Variants in EIF5B observed in about 807,000 individuals in gnomAD.
The protein encoded by EIF5B is eIF-5B.
Under a neutral mutation model 147.5 loss-of-function variants are expected in EIF5B, and 47 were observed. That is an observed-to-expected ratio of 0.32 (90% CI 0.25 to 0.41). The LOEUF is 0.41. EIF5B is among the 10% of genes least tolerant of loss of function. EIF5B has a pLI of 1.00. For synonymous variants in EIF5B, 455 were observed against 456.2 expected (o/e 1.00, Z 0.03); for missense variants, 1,064 against 1,413.2 (o/e 0.75, Z 3.96).
At chr2:99,394,139 G>C in intron 18 of EIF5B, 128 bp from the exon 19 acceptor site, 1 of 1,213,338 alleles carries the variant, frequency 8.2e-7, no homozygotes, top group Non-Finnish European at 1.1e-6. Flanking sequence ...GTGATGCCTT[G>C]CTCTATCTAA....
chr2:99,361,854 C>G, intron 4 of EIF5B, 34 bp downstream of exon 4: 1 of 1,485,772 alleles, frequency 6.7e-7, no homozygotes, highest in East Asian at 2.4e-5. Flanking sequence ...GAGCAAAAGG[C>G]TTTTGATTCA....
intron 1 of EIF5B, among the ~76,000 whole-genome samples, chr2:99,354,912 C>T (rs1356793068): frequency 1.3e-5 from 2 of 150,364 alleles, no homozygotes; most frequent in Non-Finnish European, 2.9e-5. Context: ...AAGAGATTCT[C>T]CTGCTTCAGC....
At chr2:99,363,974 CAGTTATATTA>C (rs1674273940) in intron 5 of EIF5B, 112 bp downstream of exon 5, 1 of 1,156,186 alleles carries the variant, frequency 8.6e-7, no homozygotes, top group South Asian at 1.6e-5. Context: ...CATGGTAATT[CAGTTATATTA>C]TTGTTCCGAT....
At chr2:99,371,523 T>A in intron 8 of EIF5B, 133 bp from the exon 9 acceptor site, 1 of 604,278 alleles carries the variant, frequency 1.7e-6, no homozygotes, top group Non-Finnish European at 2.7e-6. Context: ...CTAAAGATAA[T>A]AGCTGCATAC....
intron 1 of EIF5B, among the ~76,000 whole-genome samples, chr2:99,352,702 A>AGTG (rs2105339610): frequency 1.3e-5 from 2 of 151,692 alleles, no homozygotes; most frequent in African/African-American, 4.8e-5. Context: ...GATGGTCTCA[A>AGTG]ACTCCTGGCC....
chr2:99,367,317 A>AT (rs1674347369), intron 6 of EIF5B, among the ~76,000 whole-genome samples: 1 of 152,194 alleles, frequency 6.6e-6, no homozygotes, highest in Non-Finnish European at 1.5e-5. Flanking sequence ...CAATAAGTTC[A>AT]TTTAAAAATG....
At chr2:99,374,605 G>C (rs1674526209) in intron 9 of EIF5B, among the ~76,000 whole-genome samples, 2 of 152,090 alleles carry the variant, frequency 1.3e-5, no homozygotes, top group Admixed American at 1.3e-4. Context: ...GGAATTATTG[G>C]TTGAAGTTTA....
intron 9 of EIF5B, 112 bp from the exon 10 acceptor site, chr2:99,376,235 A>G: frequency 1.6e-6 from 1 of 635,074 alleles, no homozygotes. Flanking sequence ...TCTTCTTGTA[A>G]TGTGGCTCAG....
At chr2:99,388,745 A>G (rs1040778158) in intron 14 of EIF5B, among the ~76,000 whole-genome samples, 10 of 152,092 alleles carry the variant, frequency 6.6e-5, no homozygotes, top group African/African-American at 1.4e-4. Context: ...TTTTGTGTCT[A>G]TGTTCATGAG....
chr2:99,350,146 G>A (rs950922856), intron 1 of EIF5B, among the ~76,000 whole-genome samples: 1 of 152,132 alleles, frequency 6.6e-6, no homozygotes, highest in African/African-American at 2.4e-5. Context: ...TGGATGAATA[G>A]TATTCACACT....
chr2:99,383,206 A>G (rs903205780), intron 14 of EIF5B, among the ~76,000 whole-genome samples: 8 of 152,104 alleles, frequency 5.3e-5, no homozygotes, highest in African/African-American at 1.7e-4. Flanking sequence ...GTTAATTTGC[A>G]ATATTTCAAA....
At chr2:99,371,549 T>C in intron 8 of EIF5B, 107 bp from the exon 9 acceptor site, 2 of 868,718 alleles carry the variant, frequency 2.3e-6, no homozygotes, top group South Asian at 1.8e-5. Flanking sequence ...TTTTACATAA[T>C]TAAAACATTC....
chr2:99,383,148 G>A (rs13401163), intron 14 of EIF5B, among the ~76,000 whole-genome samples: 25,474 of 151,722 alleles, frequency 0.17, 2,704 homozygotes, highest in African/African-American at 0.28. Context: ...TATTAAGTCT[G>A]TTGGTGCCAT....
chr2:99,376,281 C>T, intron 9 of EIF5B, 66 bp from the exon 10 acceptor site: 1 of 1,107,730 alleles, frequency 9.0e-7, no homozygotes, highest in Non-Finnish European at 1.2e-6. Context: ...GCTTTAAAGT[C>T]TCTTATCTTG....
At chr2:99,398,669 T>TA in intron 22 of EIF5B, 79 bp from the exon 23 acceptor site, 1 of 1,424,584 alleles carries the variant, frequency 7.0e-7, no homozygotes, top group Non-Finnish European at 9.5e-7. Context: ...CTCTAGTTCT[T>TA]ACTTCAGCTA....
Position 99,366,044 on chromosome 2 carries a change from G to A in EIF5B, c.1288+1623G>A, listed in dbSNP as rs192745750. On this transcript the variant is annotated intron_variant, in intron 6 of 23. Transcript: ENST00000289371. Reference sequence around the variant, plus strand: ...TATAATTGCTCTGAAATGTGCAGCAGGTTAACTTTTCAGTCATCCTTTAGC... The same window carrying A: ...TATAATTGCTCTGAAATGTGCAGCAAGTTAACTTTTCAGTCATCCTTTAGC... 7.4e-4 allele frequency among the ~76,000 whole-genome samples: 112 copies of A among 152,234 alleles called. 1 individual carries two copies. The highest frequency in any genetic ancestry group is 2.6e-3 in the African/African-American group (106 of 41,558).
intron 21 of EIF5B, among the ~76,000 whole-genome samples, chr2:99,395,929 T>C (rs1675036865): frequency 6.6e-6 from 1 of 152,168 alleles, no homozygotes; most frequent in African/African-American, 2.4e-5. Flanking sequence ...TGAGCTTCTC[T>C]GAGTTTTGCA....
chr2:99,374,313 T>TA (rs1225751618), intron 9 of EIF5B, among the ~76,000 whole-genome samples: 3 of 147,928 alleles, frequency 2.0e-5, no homozygotes, highest in African/African-American at 7.5e-5. Context: ...AAAAAAAAGA[T>TA]ATAATTTTTC....
intron 1 of EIF5B, among the ~76,000 whole-genome samples, chr2:99,350,098 T>C (rs1001370583): frequency 1.3e-5 from 2 of 152,234 alleles, no homozygotes; most frequent in East Asian, 1.9e-4. Flanking sequence ...CAAGTTCATA[T>C]GTGTTGTCAC....
Sources: gnomAD v4.1 joint callset for allele counts (sites outside exome capture counted in the v4.1 genomes callset) on GRCh38, gnomAD v4.1.1 for gene constraint, MANE v1.5 for transcripts, NCBI Gene and HGNC (gene_info 2026-07-23, HGNC 2026-07-21) for gene names.